The following EFHD1 variants were observed in gnomAD, a reference collection of about 807,000 sequenced individuals.
EFHD1 encodes EF-hand domain-containing protein D1.
EFHD1 carries 10 observed loss-of-function variants against 17.2 expected under a neutral mutation model. The observed-to-expected ratio is 0.58, with a 90% CI of 0.36 to 0.99. The LOEUF is 0.99. EFHD1 is among the 50% of genes least tolerant of loss of function. The probability of loss-of-function intolerance (pLI) is 0.01; values close to 1 mark genes in which losing one functional copy is unlikely to be tolerated. For missense variants in EFHD1, 310 were observed against 327.5 expected (o/e 0.95, Z 0.41); for synonymous variants, 153 against 142.0 (o/e 1.08, Z -0.55).
intron 1 of EFHD1, among the ~76,000 whole-genome samples, chr2:232,606,890 A>C (rs1441178820): frequency 1.4e-5 from 2 of 146,858 alleles, no homozygotes; most frequent in East Asian, 3.9e-4. Flanking sequence ...ACTCCGTCTC[A>C]AAAAAATAAA....
At chr2:232,679,731 A>AC (rs2106222002) in intron 3 of EFHD1, among the ~76,000 whole-genome samples, 1 of 152,052 alleles carries the variant, frequency 6.6e-6, no homozygotes, top group South Asian at 2.1e-4. Context: ...AAAAAAAAAA[A>AC]AAAGGAACTG....
At chr2:232,678,085 C>T (rs899773082) in intron 3 of EFHD1, among the ~76,000 whole-genome samples, 22 of 151,932 alleles carry the variant, frequency 1.4e-4, no homozygotes, top group African/African-American at 5.1e-4. Flanking sequence ...GAGTTTGAGA[C>T]CAGCCTGGCC....
chr2:232,648,303 T>G (rs1156375141), intron 1 of EFHD1, among the ~76,000 whole-genome samples: 1 of 152,066 alleles, frequency 6.6e-6, no homozygotes, highest in African/African-American at 2.4e-5. Context: ...GATGAAAACT[T>G]TGGGTCAAAG....
upstream of EFHD1, among the ~76,000 whole-genome samples, chr2:232,629,922 T>C (rs1270355414): frequency 6.6e-6 from 1 of 152,064 alleles, no homozygotes; most frequent in Non-Finnish European, 1.5e-5. Context: ...AAGATTGATA[T>C]TGGCCCATGA....
Position 232,653,055 on chromosome 2 carries a change from G to A in EFHD1, c.303-9747G>A, listed in dbSNP as rs1184366684. ...TTTGCCCAGGCTAGAGTGAAGTGGT[G>A]TAATCTCGGCTCACTGCAACCTCTG... On this transcript the variant is annotated intron_variant, in intron 1 of 3. Coordinates refer to ENST00000264059, the MANE Select transcript of EFHD1 (RefSeq NM_025202.4). Among the ~76,000 whole-genome samples, 10 of 152,040 alleles carry A rather than the reference G, an allele frequency of 6.6e-5. No individual in the cohort carries two copies. The East Asian group carries it at 1.9e-3, about 29-fold the overall frequency.
intron 1 of EFHD1, among the ~76,000 whole-genome samples, chr2:232,622,888 C>A (rs1228016679): frequency 1.3e-5 from 2 of 152,050 alleles, no homozygotes; most frequent in Non-Finnish European, 2.9e-5. Context: ...TGTAAAATAT[C>A]TCATTAATAG....
At chr2:232,658,439 G>T (rs142674096) in intron 1 of EFHD1, among the ~76,000 whole-genome samples, 2 of 152,186 alleles carry the variant, frequency 1.3e-5, no homozygotes, top group African/African-American at 4.8e-5. Context: ...CATCAGGTCA[G>T]CTGTGGTTTT....
chr2:232,673,103 CG>C (rs1367717557), intron 3 of EFHD1, among the ~76,000 whole-genome samples: 1 of 152,146 alleles, frequency 6.6e-6, no homozygotes, highest in African/African-American at 2.4e-5. Context: ...AGCTGGGCAC[CG>C]CATTGAGCTC....
intron 1 of EFHD1, among the ~76,000 whole-genome samples, chr2:232,628,599 G>A (rs531903144): frequency 1.2e-4 from 19 of 152,230 alleles, no homozygotes; most frequent in Middle Eastern, 3.4e-3. Flanking sequence ...TCAGAGGCCC[G>A]TACTGACCTA....
chr2:232,611,054 C>G (rs1205004941), intron 1 of EFHD1, among the ~76,000 whole-genome samples: 1 of 151,896 alleles, frequency 6.6e-6, no homozygotes, highest in Non-Finnish European at 1.5e-5. Flanking sequence ...GGTGTGCACC[C>G]ATCGTCCTAG....
chr2:232,627,064 A>ATATAT (rs1205812580), intron 1 of EFHD1, among the ~76,000 whole-genome samples: 12 of 92,226 alleles, frequency 1.3e-4, no homozygotes, highest in South Asian at 4.3e-4. Context: ...ATATATATAT[A>ATATAT]TTTTTTTTTT....
At chr2:232,662,775 C>T (rs765149231) in intron 1 of EFHD1, 27 bp from the exon 2 acceptor site, 44 of 1,553,252 alleles carry the variant, frequency 2.8e-5, no homozygotes, top group South Asian at 2.6e-4. Context: ...CCTTTCATCC[C>T]GGTCATGCAT....
intron 2 of EFHD1, among the ~76,000 whole-genome samples, chr2:232,665,768 T>C (rs900119954): frequency 5.3e-5 from 8 of 152,238 alleles, no homozygotes; most frequent in African/African-American, 1.9e-4. Flanking sequence ...GCTCAGAGCA[T>C]CTGAAGTCTC....
At chr2:232,631,272 C>G (rs1559341475), upstream of EFHD1, among the ~76,000 whole-genome samples, 1 of 151,552 alleles carries the variant, frequency 6.6e-6, no homozygotes, top group Non-Finnish European at 1.5e-5. Flanking sequence ...TTCTCTCTCT[C>G]TCTCTCTCTT....
At chr2:232,643,532 G>A (rs1306792696) in intron 1 of EFHD1, among the ~76,000 whole-genome samples, 1 of 148,384 alleles carries the variant, frequency 6.7e-6, no homozygotes, top group Non-Finnish European at 1.5e-5. Context: ...CCGAGTCCCC[G>A]CACCCCAACA....
intron 1 of EFHD1, among the ~76,000 whole-genome samples, chr2:232,647,879 C>T (rs181103544): frequency 0.03 from 4,565 of 152,130 alleles, 189 homozygotes; most frequent in East Asian, 0.083. Context: ...TCAGGTGATC[C>T]ACCCACCTCG....
intron 2 of EFHD1, among the ~76,000 whole-genome samples, chr2:232,667,655 C>G (rs750341832): frequency 6.6e-6 from 1 of 151,990 alleles, no homozygotes; most frequent in Non-Finnish European, 1.5e-5. Context: ...CGGGTTCAAA[C>G]GATTCTCCTG....
chr2:232,631,304 G>GTCTC (rs987000248), upstream of EFHD1, among the ~76,000 whole-genome samples: 10 of 144,396 alleles, frequency 6.9e-5, no homozygotes, highest in East Asian at 2.0e-3. Flanking sequence ...CTCTCTCTCT[G>GTCTC]TCTCTCTCTC....
At chr2:232,651,612 G>C (rs748012259) in intron 1 of EFHD1, among the ~76,000 whole-genome samples, 17 of 152,292 alleles carry the variant, frequency 1.1e-4, no homozygotes, top group Non-Finnish European at 2.2e-4. Flanking sequence ...AGCACATTGA[G>C]GATTCTTTAT....
Sources: allele counts gnomAD v4.1 joint callset (sites outside exome capture counted in the v4.1 genomes callset), GRCh38; gene constraint gnomAD v4.1.1; transcripts MANE v1.5; gene names NCBI Gene and HGNC (gene_info 2026-07-23, HGNC 2026-07-21).